Variants in DACT2 observed in about 807,000 individuals in gnomAD.
DACT2 encodes dishevelled binding antagonist of beta catenin 2.
DACT2 carries 20 observed loss-of-function variants against 22.2 expected under a neutral mutation model. The observed-to-expected ratio is 0.90, with a 90% CI of 0.63 to 1.31. The LOEUF (loss-of-function observed/expected upper bound fraction) is 1.31. Ranked by LOEUF, DACT2 falls within the 50% of genes most tolerant of loss-of-function variation. DACT2 has a pLI of 0.00. For synonymous variants in DACT2, 463 were observed against 479.8 expected, an observed-to-expected ratio of 0.96 and a Z score of 0.46; for missense variants, 1,048 against 1,061.4, an observed-to-expected ratio of 0.99 and a Z score of 0.18.
rs183116500 is a variant in DACT2, at chr6:168,300,927, A to C, written c.659-6223T>G. ...CTTGAACCTGGGAGGCGGAGGTTGC[A>C]GTGAGCTGAGTTCGTGCCACTGCAC... is the stretch of plus-strand genomic sequence containing the variant. On this transcript the variant is annotated intron_variant, in intron 3 of 5. Transcript: ENST00000366796. Among the ~76,000 whole-genome samples the C allele has an allele frequency of 3.2e-3, 488 of 152,336 alleles. 4 individuals carry two copies. Among genetic ancestry groups the C allele is most frequent in the African/African-American group, 0.011 (470 of 41,580 alleles).
At position 168,310,287 on chromosome 6, in the gene DACT2, T is replaced by C; in HGVS notation, c.539A>G (p.Asp180Gly). The change falls in exon 3 of 4, where the codon GAT (aspartate) becomes GGT (glycine). Residue 180 changes from aspartate to glycine, a missense_variant. Transcript: ENST00000366795. ...SMGDWRPRSV[D>G]ETTVPAWRPQ... ...TCTCCACGCTGGCACAGTAGTCTCA[T>C]CAACCGACCGGGGCCTCCAGTCCCC... The C allele has an allele frequency of 1.3e-6, 2 of 1,551,538 alleles. No homozygotes were observed. Among genetic ancestry groups the C allele is most frequent in the African/African-American group, 1.4e-5 (1 of 73,180 alleles).
chr6:168,300,941 G>C (rs747146058), intron 3 of DACT2, among the ~76,000 whole-genome samples: 6 of 152,166 alleles, frequency 3.9e-5, no homozygotes, highest in Admixed American at 2.6e-4. Flanking sequence ...AGCTGAGTTC[G>C]TGCCACTGCA....
At chr6:168,301,647 C>T (rs1422677769) in intron 3 of DACT2, among the ~76,000 whole-genome samples, 1 of 152,226 alleles carries the variant, frequency 6.6e-6, no homozygotes, top group East Asian at 1.9e-4. Context: ...GCCCGCCTCT[C>T]ATTAGAGCTG....
intron 1 of DACT2, among the ~76,000 whole-genome samples, chr6:168,315,149 A>G (rs1377378448): frequency 6.6e-6 from 1 of 152,230 alleles, no homozygotes; most frequent in African/African-American, 2.4e-5. Context: ...TGCCACTTTC[A>G]GAACAAGTCA....
At chr6:168,309,288 C>T (rs957386456) in intron 3 of DACT2, among the ~76,000 whole-genome samples, 190 bp from the exon 4 acceptor site, 5 of 150,738 alleles carry the variant, frequency 3.3e-5, no homozygotes, top group Admixed American at 6.6e-5. Context: ...GCGGGGCAGA[C>T]GGGAATGCGT....
At chr6:168,296,450 C>A (rs544460735) in intron 3 of DACT2, among the ~76,000 whole-genome samples, 2 of 147,388 alleles carry the variant, frequency 1.4e-5, no homozygotes, top group African/African-American at 5.2e-5. Context: ...CCATCCACAG[C>A]GGTGAGGAGA....
chr6:168,305,626 G>A (rs756158815), downstream of DACT2, among the ~76,000 whole-genome samples: 99 of 152,282 alleles, frequency 6.5e-4, no homozygotes, highest in Middle Eastern at 6.8e-3. Context: ...AAAAACATGC[G>A]TGGACTGAGG....
chr6:168,314,405 A>G (rs1253517336), intron 1 of DACT2, among the ~76,000 whole-genome samples: 1 of 152,058 alleles, frequency 6.6e-6, no homozygotes, highest in African/African-American at 2.4e-5. Context: ...ACACCTGCAG[A>G]CCCCAGGCTC....
rs1477176211 is a variant in DACT2, at chr6:168,310,464, G to C, written c.380-18C>G. On this transcript the variant is annotated intron_variant, in intron 2 of 3. Transcript: ENST00000366795. ...GTAAAAGCCTGGACGGAGCAGACAA[G>C]GCAGGTCAGTGACCCCCATCCAGAA... 2 of 1,538,826 alleles carry C rather than the reference G, an allele frequency of 1.3e-6. No homozygotes were observed. The highest frequency in any genetic ancestry group is 1.2e-5 in the South Asian group (1 of 81,484).
chr6:168,297,415 G>T (rs1779026501), intron 3 of DACT2, among the ~76,000 whole-genome samples: 1 of 152,142 alleles, frequency 6.6e-6, no homozygotes, highest in Non-Finnish European at 1.5e-5. Context: ...GAGAAAATAG[G>T]AGAGGCACAG....
intron 3 of DACT2, among the ~76,000 whole-genome samples, chr6:168,301,624 A>G (rs1354951458): frequency 6.6e-6 from 1 of 152,154 alleles, no homozygotes; most frequent in Admixed American, 6.5e-5. Context: ...AAGGCGAGAT[A>G]CGCCCCCAGG....
chr6:168,306,397 CA>C (rs10689901), downstream of DACT2, among the ~76,000 whole-genome samples: 3 of 149,896 alleles, frequency 2.0e-5, no homozygotes, highest in Middle Eastern at 3.4e-3. Context: ...AAGTAAACAC[CA>C]AAAAAAAAGT....
Position 168,308,107 on chromosome 6 carries a change from T to C in DACT2, c.1650A>G (p.Pro550=). 7 of 1,546,256 alleles carry C rather than the reference T, an allele frequency of 4.5e-6. No individual in the cohort carries two copies. Among genetic ancestry groups the C allele is most frequent in the Non-Finnish European group, 6.1e-6 (7 of 1,144,318 alleles). Residue 550 remains proline (P), a synonymous_variant, in exon 4 of 4, where the codon CCA becomes CCG. Transcript: ENST00000366795. ...PTGRGGLQRR[P]ALAWEAPGRS... ...GCCCGGGTGCCTCCCAGGCCAGGGC[T>C]GGCCTCCGCTGGAGCCCGCCCCTCC...
downstream of DACT2, chr6:168,306,826 C>A: frequency 1.1e-6 from 1 of 939,822 alleles, no homozygotes; most frequent in Non-Finnish European, 1.3e-6. Flanking sequence ...CCAAAGCTGG[C>A]ACGTGCCCTG....
In DACT2 at chr6:168,307,555, C is replaced by T. The variant is rs145931031; in HGVS notation, c.2202G>A (p.Pro734=). ...HAELAWTQEA[P]VSSGPLLSPV... ...GGGACAGGAGTGGCCCCGAGCTGAC[C>T]GGGGCCTCCTGGGTCCAGGCCAGCT... The change falls in exon 4 of 4, where the codon CCG becomes CCA. Residue 734 remains proline, a synonymous_variant. Transcript: ENST00000366795. The surrounding 1 kb of genome is among the most constrained non-coding windows in gnomAD (Gnocchi z 5.3). 3.7e-5 allele frequency: 57 copies of T among 1,551,274 alleles called. No homozygotes were observed. The highest frequency in any genetic ancestry group is 4.9e-5 in the East Asian group (2 of 40,872).
In DACT2 at chr6:168,307,595, G is replaced by A. The variant is rs575958765; in HGVS notation, c.2162C>T (p.Ala721Val). The A allele has an allele frequency of 3.4e-5, 53 of 1,549,262 alleles. 1 individual carries two copies. In the South Asian group the frequency reaches 4.5e-4, roughly 13 times the overall value. The change falls in exon 4 of 4, where the codon GCG (alanine) becomes GTG (valine). Residue 721 changes from alanine to valine, a missense_variant. Ala to Val is a moderately conservative substitution (Grantham distance 64, BLOSUM62 0). Transcript: ENST00000366795. This position sits in a 1 kb window ranked among gnomAD's most constrained non-coding sequence, Gnocchi z 5.3. ...CCAGGCCAGCTCCGCATGCCCGGCC[G>A]CCACATAGCCCAGTGCCAGGTCACA... The part of the protein sequence containing the change: ...RDCDLALGYV[A>V]AGHAELAWTQ...
rs139258227 is a variant in DACT2, at chr6:168,315,269, A to T, written c.247-3985T>A. Among the ~76,000 whole-genome samples, 542 of 152,254 alleles carry T rather than the reference A, an allele frequency of 3.6e-3. 4 individuals carry two copies. The highest frequency in any genetic ancestry group is 0.012 in the African/African-American group (515 of 41,536). On this transcript the variant is annotated intron_variant, in intron 1 of 3. Coordinates refer to ENST00000366795, the MANE Select transcript of DACT2 (RefSeq NM_214462.5). ...TGGAGACAGCGCCCACTGGTGAAGG[A>T]TGGGGTTTTCAGTCTACTCATGGGC...
downstream of DACT2, among the ~76,000 whole-genome samples, chr6:168,304,258 G>A (rs577460922): frequency 3.9e-5 from 6 of 152,296 alleles, no homozygotes; most frequent in Admixed American, 2.0e-4. Context: ...TGTCTGTTTA[G>A]AGGAAAAATA....
At position 168,307,512 on chromosome 6, in the gene DACT2, G is replaced by A. The variant is rs779514990; in HGVS notation, c.2245C>T (p.Arg749Cys). ...PLLSPVPKLC[R>C]IKASKALKKK... ...TTCAGGGCCTTGGAGGCCTTAATAC[G>A]GCACAGCTTGGGCACGGGGGACAGG... The change falls in exon 4 of 4, where the codon CGT (arginine) becomes TGT (cysteine). Residue 749 changes from arginine to cysteine, a missense_variant. Transcript: ENST00000366795. The surrounding 1 kb of genome is among the most constrained non-coding windows in gnomAD (Gnocchi z 5.3). The A allele has an allele frequency of 3.8e-5, 59 of 1,551,458 alleles. No individual in the cohort carries two copies. The highest frequency in any genetic ancestry group is 2.7e-4 in the East Asian group (11 of 40,890).
Sources: gnomAD v4.1 joint callset for allele counts (sites outside exome capture counted in the v4.1 genomes callset) on GRCh38, gnomAD v4.1.1 for gene constraint, Gnocchi (gnomAD v3.1) non-coding constraint, MANE v1.5 for transcripts, NCBI Gene and HGNC (gene_info 2026-07-23, HGNC 2026-07-21) for gene names.